TRIP4: variants seen among roughly 807,000 people sequenced by gnomAD.
TRIP4 encodes the protein activating signal cointegrator 1.
A neutral mutation model predicts 81.8 loss-of-function variants in TRIP4; 54 were observed. The observed-to-expected ratio is 0.66, with a 90% CI of 0.53 to 0.83. The LOEUF (loss-of-function observed/expected upper bound fraction) is 0.83, where lower values mean the gene tolerates loss of function less well. TRIP4 is among the 40% of genes least tolerant of loss of function. The pLI is 0.00. For missense variants in TRIP4, 662 were observed against 683.6 expected, an observed-to-expected ratio of 0.97 and a Z score of 0.35; for synonymous variants, 270 against 242.8, an observed-to-expected ratio of 1.11 and a Z score of -1.04.
At chr15:64,437,743 C>T (rs1320022970) in intron 11 of TRIP4, among the ~76,000 whole-genome samples, 1 of 152,166 alleles carries the variant, frequency 6.6e-6, no homozygotes, top group Non-Finnish European at 1.5e-5. Flanking sequence ...ATTCACCCGC[C>T]TGGGGTTCCC....
chr15:64,413,258 G>C (rs1277423035), intron 7 of TRIP4, among the ~76,000 whole-genome samples: 9 of 152,018 alleles, frequency 5.9e-5, no homozygotes, highest in Non-Finnish European at 4.4e-5. Flanking sequence ...GGAGGGCAGT[G>C]GCGCCTTGAA....
intron 1 of TRIP4, among the ~76,000 whole-genome samples, chr15:64,391,415 A>T (rs902175864): frequency 2.0e-5 from 3 of 151,838 alleles, no homozygotes; most frequent in Admixed American, 1.3e-4. Flanking sequence ...TCAGCCTCCC[A>T]AAGTGCTGGG....
chr15:64,424,218 T>G (rs1422881509), intron 10 of TRIP4, 63 bp downstream of exon 10: 55 of 1,594,742 alleles, frequency 3.4e-5, no homozygotes, highest in Non-Finnish European at 4.7e-5. Context: ...ACGTTCATCT[T>G]CTTTCACTTC....
intron 7 of TRIP4, among the ~76,000 whole-genome samples, chr15:64,412,504 A>T (rs1389862775): frequency 1.3e-5 from 2 of 151,354 alleles, no homozygotes; most frequent in African/African-American, 2.4e-5. Flanking sequence ...CTCATGTATG[A>T]TTCATCATCT....
intron 12 of TRIP4, among the ~76,000 whole-genome samples, chr15:64,447,869 G>A (rs778211356): frequency 2.6e-5 from 4 of 152,062 alleles, no homozygotes; most frequent in Admixed American, 6.6e-5. Flanking sequence ...GTGCCACCAC[G>A]CCCAGATAAT....
intron 1 of TRIP4, among the ~76,000 whole-genome samples, chr15:64,389,665 A>C (rs1390696261): frequency 6.6e-6 from 1 of 152,086 alleles, no homozygotes; most frequent in Non-Finnish European, 1.5e-5. Context: ...GCAATATATA[A>C]AACAGAAAAG....
chr15:64,436,880 T>C (rs1039763522), intron 11 of TRIP4, among the ~76,000 whole-genome samples: 62 of 149,690 alleles, frequency 4.1e-4, no homozygotes, highest in African/African-American at 1.5e-3. Context: ...AGCTAATTTT[T>C]GTATTTTTAG....
chr15:64,409,342 G>A (rs1466058868), intron 6 of TRIP4, among the ~76,000 whole-genome samples: 4 of 152,152 alleles, frequency 2.6e-5, no homozygotes, highest in Non-Finnish European at 4.4e-5. Flanking sequence ...CTCAGATGCA[G>A]CAAAACCAGG....
At chr15:64,388,479 A>G (rs1900018860) in intron 1 of TRIP4, among the ~76,000 whole-genome samples, 1 of 151,888 alleles carries the variant, frequency 6.6e-6, no homozygotes, top group Admixed American at 6.6e-5. Flanking sequence ...GCTAATTTTT[A>G]AAAATTTTTA....
chr15:64,418,200 C>T (rs1175984668), intron 8 of TRIP4, among the ~76,000 whole-genome samples: 1 of 152,134 alleles, frequency 6.6e-6, no homozygotes, highest in Non-Finnish European at 1.5e-5. Flanking sequence ...CAACCTCCAC[C>T]TCCTGGGTTC....
chr15:64,421,156 C>T (rs1458342569), intron 9 of TRIP4, among the ~76,000 whole-genome samples: 1 of 150,640 alleles, frequency 6.6e-6, no homozygotes, highest in Non-Finnish European at 1.5e-5. Flanking sequence ...GTGGTGTGTG[C>T]CTGTAATCCC....
At chr15:64,414,881 C>A (rs1891858410) in intron 8 of TRIP4, among the ~76,000 whole-genome samples, 1 of 151,898 alleles carries the variant, frequency 6.6e-6, no homozygotes. Context: ...ATTGCTTGAG[C>A]CTGGGAGTTC....
At chr15:64,425,148 C>T (rs1275733257) in intron 10 of TRIP4, among the ~76,000 whole-genome samples, 3 of 151,966 alleles carry the variant, frequency 2.0e-5, no homozygotes, top group Non-Finnish European at 4.4e-5. Flanking sequence ...TGGTTTTAAC[C>T]ACATTTTGAT....
chr15:64,428,151 G>T (rs765854403), intron 11 of TRIP4, among the ~76,000 whole-genome samples: 8 of 152,188 alleles, frequency 5.3e-5, no homozygotes, highest in Non-Finnish European at 1.2e-4. Context: ...TTTTTGGCAA[G>T]CGGCCTTGCT....
At chr15:64,414,347 C>T (rs907403959) in intron 8 of TRIP4, 136 bp downstream of exon 8, 9 of 1,158,596 alleles carry the variant, frequency 7.8e-6, no homozygotes, top group South Asian at 1.7e-5. Flanking sequence ...TCTCTCAACA[C>T]ACCTGCCAAC....
intron 12 of TRIP4, 117 bp downstream of exon 12, chr15:64,445,225 C>CA: frequency 7.2e-6 from 4 of 553,338 alleles, no homozygotes; most frequent in Non-Finnish European, 1.3e-5. Context: ...TGAGGTAACC[C>CA]ACTACCTTTG....
intron 12 of TRIP4, chr15:64,450,852 G>T: frequency 2.6e-6 from 1 of 378,834 alleles, no homozygotes; most frequent in Non-Finnish European, 5.5e-6. Flanking sequence ...CTCACTTGAG[G>T]GCTTTCATAA....
At chr15:64,425,797 T>G (rs756845073) in intron 11 of TRIP4, among the ~76,000 whole-genome samples, 166 bp downstream of exon 11, 29 of 152,256 alleles carry the variant, frequency 1.9e-4, no homozygotes, top group Admixed American at 5.2e-4. Context: ...AAAAGCTGTT[T>G]CCAGGCCGGG....
chr15:64,393,606 T>C (rs1046645254), intron 1 of TRIP4: 30 of 160,828 alleles, frequency 1.9e-4, no homozygotes, highest in Non-Finnish European at 1.3e-4. Context: ...GCACTGTTTC[T>C]TTCTCTTTTT....
Sources: allele counts gnomAD v4.1 joint callset (sites outside exome capture counted in the v4.1 genomes callset), GRCh38; gene constraint gnomAD v4.1.1; transcripts MANE v1.5; gene names NCBI Gene and HGNC (gene_info 2026-07-23, HGNC 2026-07-21).